ITPK1: variants seen among roughly 807,000 people sequenced by gnomAD.
The protein encoded by ITPK1 is inositol 1,3,4-trisphosphate 5/6-kinase.
A neutral mutation model predicts 45.3 loss-of-function variants in ITPK1; 21 were observed. That is an observed-to-expected ratio of 0.46 (90% CI 0.33 to 0.67). The LOEUF is 0.67. Ranked by LOEUF, ITPK1 falls within the 30% of genes least tolerant of loss-of-function variation. The pLI is 0.02. For synonymous variants in ITPK1, 258 were observed against 253.6 expected, an observed-to-expected ratio of 1.02 and a Z score of -0.16; for missense variants, 474 against 573.5, an observed-to-expected ratio of 0.83 and a Z score of 1.77.
chr14:93,115,816 G>T lies in ITPK1; in HGVS notation c.-187C>A. 6.7e-6 allele frequency: 1 copy of T among 148,388 alleles called. No homozygotes were observed. The highest frequency in any genetic ancestry group is 1.8e-4 in the South Asian group (1 of 5,496). 9.2% of individuals were successfully genotyped at this position (148,388 alleles called of 1,614,324 possible). ...TTCCTCCTCGGCCTGGTCCTCGCGC[G>T]CTGCCCGCCGAGAAGGGCGGCGGCG... On this transcript the variant is annotated 5_prime_UTR_variant, in exon 1 of 11. Transcript: ENST00000267615.
chr14:93,057,562 C>G (rs559047484), intron 3 of ITPK1, among the ~76,000 whole-genome samples: 106 of 152,232 alleles, frequency 7.0e-4, no homozygotes, highest in Non-Finnish European at 1.3e-3. Context: ...GCGAGTACAC[C>G]TGGGAGATTT....
intron 4 of ITPK1, among the ~76,000 whole-genome samples, chr14:93,005,445 G>A (rs1887563729): frequency 6.6e-6 from 1 of 152,158 alleles, no homozygotes; most frequent in Non-Finnish European, 1.5e-5. Context: ...CAGATTCAGG[G>A]TCCGGGCAAG....
At chr14:92,942,630 G>A (rs1887488585) in intron 10 of ITPK1, among the ~76,000 whole-genome samples, 1 of 152,216 alleles carries the variant, frequency 6.6e-6, no homozygotes, top group East Asian at 1.9e-4. Flanking sequence ...CCTGAGACAA[G>A]CTCCAGGGCG....
chr14:92,945,591 T>C (rs1293833435), intron 10 of ITPK1, among the ~76,000 whole-genome samples: 1 of 152,234 alleles, frequency 6.6e-6, no homozygotes, highest in African/African-American at 2.4e-5. Flanking sequence ...GCTCTGTCTC[T>C]GAGCTGCTGC....
At chr14:93,081,892 A>C (rs1431981891) in intron 2 of ITPK1, among the ~76,000 whole-genome samples, 2 of 152,200 alleles carry the variant, frequency 1.3e-5, no homozygotes, top group Non-Finnish European at 2.9e-5. Context: ...CCCAAATGCC[A>C]GGGCAGATAA....
intron 3 of ITPK1, among the ~76,000 whole-genome samples, chr14:93,059,770 A>G (rs1595178079): frequency 3.1e-5 from 1 of 32,708 alleles, no homozygotes; most frequent in African/African-American, 1.3e-4. Flanking sequence ...GCAGGGGTGG[A>G]GGGGGTGCTG....
chr14:92,982,622 A>T (rs1387253562), intron 5 of ITPK1, among the ~76,000 whole-genome samples: 1 of 152,202 alleles, frequency 6.6e-6, no homozygotes, highest in East Asian at 1.9e-4. Flanking sequence ...CTGGGCCAAG[A>T]GCCCAACCAC....
At position 92,975,933 on chromosome 14, in the gene ITPK1, A is replaced by G. The variant is rs186794357; in HGVS notation, c.365-13084T>C. The stretch of plus-strand genomic sequence containing the variant: ...TGTCTCATGATAGTCAGTTCCCACA[A>G]GATCTGATGGCTTTATAAGGGGCTC... On this transcript the variant is annotated intron_variant, in intron 5 of 10. Coordinates refer to ENST00000267615, the MANE Select transcript of ITPK1 (RefSeq NM_014216.6). 9.1e-4 allele frequency among the ~76,000 whole-genome samples: 139 copies of G among 152,330 alleles called. 2 individuals carry two copies. Among genetic ancestry groups the G allele is most frequent in the African/African-American group, 3.1e-3 (127 of 41,584 alleles).
At chr14:93,060,191 C>A (rs1490243679) in intron 3 of ITPK1, among the ~76,000 whole-genome samples, 1 of 152,132 alleles carries the variant, frequency 6.6e-6, no homozygotes. Flanking sequence ...TACCTGCGGC[C>A]CAAGAAGCAG....
rs930760566 is a variant in ITPK1, at chr14:92,941,493, T to C, written c.*68A>G. 2 of 1,452,430 alleles carry C rather than the reference T, an allele frequency of 1.4e-6. No individual in the cohort carries two copies. The highest frequency in any genetic ancestry group is 1.8e-6 in the Non-Finnish European group (2 of 1,109,832). 90.0% of individuals were successfully genotyped at this position (1,452,430 alleles called of 1,614,324 possible). A position where few individuals can be genotyped will look rare whatever the true frequency, so the allele number is the denominator to read the frequency against. On this transcript the variant is annotated 3_prime_UTR_variant, in exon 11 of 11. Coordinates refer to ENST00000267615, the MANE Select transcript of ITPK1 (RefSeq NM_014216.6). ...GGGATTCTTAGTAGTAGCATCGCCG[T>C]TGGGAGCTGCTGGCCCAGCGGGTGT...
intron 4 of ITPK1, among the ~76,000 whole-genome samples, chr14:93,005,195 T>C (rs759739896): frequency 1.3e-5 from 2 of 152,034 alleles, no homozygotes; most frequent in African/African-American, 2.4e-5. Context: ...CTTAGGGGTA[T>C]GTGTGCTGGA....
At chr14:92,997,842 C>G (rs1222616578) in intron 4 of ITPK1, among the ~76,000 whole-genome samples, 2 of 152,196 alleles carry the variant, frequency 1.3e-5, no homozygotes, top group Non-Finnish European at 2.9e-5. Flanking sequence ...CGTCACGGTG[C>G]CCACCTACAG....
chr14:93,066,287 C>T (rs888196543), intron 3 of ITPK1: 4 of 451,680 alleles, frequency 8.9e-6, no homozygotes, highest in African/African-American at 2.1e-5. Context: ...GCTTGGTGTG[C>T]GTGCGTGTGT....
intron 3 of ITPK1, among the ~76,000 whole-genome samples, chr14:93,027,650 C>T (rs1187172878): frequency 6.6e-6 from 1 of 152,206 alleles, no homozygotes; most frequent in Admixed American, 6.5e-5. Flanking sequence ...ACTGTGTACA[C>T]GTGCCTCAGG....
At chr14:93,024,847 T>C (rs1229364229) in intron 3 of ITPK1, among the ~76,000 whole-genome samples, 1 of 152,186 alleles carries the variant, frequency 6.6e-6, no homozygotes, top group Non-Finnish European at 1.5e-5. Flanking sequence ...CACAGGCTCC[T>C]GAGCCTTCTG....
At chr14:93,095,801 T>C (rs1449589761) in intron 2 of ITPK1, among the ~76,000 whole-genome samples, 1 of 151,650 alleles carries the variant, frequency 6.6e-6, no homozygotes, top group Non-Finnish European at 1.5e-5. Context: ...TTTGTGTCCA[T>C]ATATACCCAA....
In ITPK1 at chr14:92,941,062, A is replaced by C. The variant is rs1162935939; in HGVS notation, c.*499T>G. The C allele has an allele frequency of 8.3e-7, 1 of 1,205,832 alleles. No homozygotes were observed. The highest frequency in any genetic ancestry group is 1.1e-6 in the Non-Finnish European group (1 of 950,358). 74.7% of individuals were successfully genotyped at this position (1,205,832 alleles called of 1,614,324 possible). On this transcript the variant is annotated 3_prime_UTR_variant, in exon 11 of 11. Coordinates refer to ENST00000267615, the MANE Select transcript of ITPK1 (RefSeq NM_014216.6). ...GGGGGCTAACAAAGCCTTGGTGGAG[A>C]CCAGTAGGAGGAAAAACAAGGAAGG...
Position 92,941,676 on chromosome 14 carries a change from T to G in ITPK1, c.1130A>C (p.Asp377Ala). The change falls in exon 11 of 11, where the codon GAC becomes GCC. Residue 377 changes from aspartate to alanine, a missense_variant. By Grantham distance (126) the Asp-to-Ala change is moderately radical. Coordinates refer to ENST00000267615, the MANE Select transcript of ITPK1 (RefSeq NM_014216.6). ...GQDAPWKAEA[D>A]AGGTAKLPHQ... ...CGGCAGCTTGGCGGTGCCGCCCGCGTCGGCCTCAGCCTTCCAGGGCGCGTC... is the reference window on the plus strand; with the variant it reads ...CGGCAGCTTGGCGGTGCCGCCCGCGGCGGCCTCAGCCTTCCAGGGCGCGTC... The G allele has an allele frequency of 6.5e-7, 1 of 1,543,400 alleles. No homozygotes were observed.
intron 10 of ITPK1, among the ~76,000 whole-genome samples, chr14:92,944,411 C>T: frequency 6.6e-6 from 1 of 152,160 alleles, no homozygotes; most frequent in Non-Finnish European, 1.5e-5. Flanking sequence ...TGGCCCTTCT[C>T]TTGGCTTCTC....
Sources: gnomAD v4.1 joint callset for allele counts (sites outside exome capture counted in the v4.1 genomes callset) on GRCh38, gnomAD v4.1.1 for gene constraint, MANE v1.5 for transcripts, NCBI Gene and HGNC (gene_info 2026-07-23, HGNC 2026-07-21) for gene names.